The following OLA1 variants were observed in gnomAD, a reference collection of about 807,000 sequenced individuals.
OLA1 encodes the protein Obg like ATPase 1, also known as obg-like ATPase 1.
In OLA1, 14 loss-of-function variants were observed where a neutral mutation model predicts 48.4. The observed-to-expected ratio is 0.29, with a 90% CI of 0.19 to 0.45. The LOEUF is 0.45. Among genes scored for constraint, OLA1 ranks in the 20% least tolerant of loss-of-function variants. The probability of loss-of-function intolerance (pLI) is 1.00; values close to 1 mark genes in which losing one functional copy is unlikely to be tolerated. For synonymous variants in OLA1, 127 were observed against 150.4 expected, an observed-to-expected ratio of 0.84 and a Z score of 1.14; for missense variants, 325 against 467.1, an observed-to-expected ratio of 0.70 and a Z score of 2.80.
chr2:174,093,186 C>G (rs561776308), intron 7 of OLA1, among the ~76,000 whole-genome samples: 1 of 152,172 alleles, frequency 6.6e-6, no homozygotes, highest in Admixed American at 6.5e-5. Context: ...CAATGGCTCA[C>G]GCCTGTAATC....
intron 8 of OLA1, among the ~76,000 whole-genome samples, chr2:174,081,507 T>A (rs112238074): frequency 7.8e-4 from 118 of 152,222 alleles, no homozygotes; most frequent in African/African-American, 2.7e-3. Context: ...AAATTATGAC[T>A]ATTTTCATCC....
At position 174,213,632 on chromosome 2, in the gene OLA1, T is replaced by C. The variant is rs72911572; in HGVS notation, c.373+9401A>G. 6.9e-3 allele frequency among the ~76,000 whole-genome samples: 1,056 copies of C among 152,266 alleles called. 7 individuals carry two copies. Among genetic ancestry groups the C allele is most frequent in the Non-Finnish European group, 0.012 (845 of 68,012 alleles). On this transcript the variant is annotated intron_variant, in intron 4 of 10. Transcript: ENST00000284719. ...GCTCAATGAGCCCTAGAGAAAAAGT[T>C]AGTGGTTTTTCCAAATAACGCACCC...
chr2:174,223,049 G>A lies in OLA1; in HGVS notation c.357C>T (p.Gly119=), dbSNP rs1166048982. ...AFLSHISACD[G]IFHLTRAFED... is the part of the protein sequence containing the mutation. ...TGTACTTACGTGTTAGATGAAAGAT[G>A]CCATCACAGGCACTAATATGAGATA... Residue 119 remains glycine (G), a synonymous_variant, in exon 4 of 11, where the codon GGC becomes GGT. Coordinates refer to ENST00000284719, the MANE Select transcript of OLA1 (RefSeq NM_013341.5). 6.2e-7 allele frequency: 1 copy of A among 1,612,714 alleles called. No individual in the cohort carries two copies. The highest frequency in any genetic ancestry group is 8.5e-7 in the Non-Finnish European group (1 of 1,179,400).
chr2:174,081,064 C>T lies in OLA1; in HGVS notation c.966+88G>A, dbSNP rs1026337647. 3.6e-6 allele frequency: 4 copies of T among 1,099,360 alleles called. No individual in the cohort carries two copies. The African/African-American group carries it at 4.6e-5, about 13-fold the overall frequency. The allele number at this position is 1,099,360 out of a possible 1,614,324, so 68.1% of individuals were successfully genotyped here. A position where few individuals can be genotyped will look rare whatever the true frequency, so the allele number is the denominator to read the frequency against. ...TCATCTGTAATGACTAGCTAACCGC[C>T]ACCATGACAAACTTCAAAGTCAGTG... On this transcript the variant is annotated intron_variant, in intron 9 of 10. Transcript: ENST00000284719.
chr2:174,102,136 G>A (rs1332050414), intron 7 of OLA1, among the ~76,000 whole-genome samples: 1 of 152,066 alleles, frequency 6.6e-6, no homozygotes, highest in Non-Finnish European at 1.5e-5. Context: ...CCTTCTCAAA[G>A]TATCATCCAA....
At chr2:174,175,523 G>A (rs1041836147) in intron 4 of OLA1, among the ~76,000 whole-genome samples, 1 of 151,458 alleles carries the variant, frequency 6.6e-6, no homozygotes, top group Non-Finnish European at 1.5e-5. Flanking sequence ...AGAAATGAAA[G>A]CCACAATATT....
chr2:174,183,204 G>A (rs1687586093), intron 4 of OLA1, among the ~76,000 whole-genome samples: 1 of 152,116 alleles, frequency 6.6e-6, no homozygotes, highest in African/African-American at 2.4e-5. Context: ...CTGAGGGAGG[G>A]ATTAGTTACA....
At chr2:174,079,219 T>TTAAG (rs1191841888) in intron 9 of OLA1, 129 bp from the exon 10 acceptor site, 2 of 661,064 alleles carry the variant, frequency 3.0e-6, no homozygotes, top group African/African-American at 3.7e-5. Flanking sequence ...AGATGTCAGG[T>TTAAG]ATATAATTAG....
At chr2:174,173,280 C>A (rs1558989356) in intron 4 of OLA1, among the ~76,000 whole-genome samples, 1 of 151,956 alleles carries the variant, frequency 6.6e-6, no homozygotes, top group Non-Finnish European at 1.5e-5. Flanking sequence ...TTATAAAATT[C>A]CAGCAATAAG....
intron 4 of OLA1, among the ~76,000 whole-genome samples, chr2:174,191,314 A>G (rs1687772417): frequency 6.6e-6 from 1 of 152,200 alleles, no homozygotes; most frequent in Non-Finnish European, 1.5e-5. Context: ...GAACAGCTTC[A>G]GCGTATGTTT....
chr2:174,084,673 C>G (rs1451308859), intron 7 of OLA1, among the ~76,000 whole-genome samples: 1 of 152,138 alleles, frequency 6.6e-6, no homozygotes, highest in Non-Finnish European at 1.5e-5. Context: ...AGAAAAATGT[C>G]TATTCTCTTT....
At chr2:174,145,718 C>T (rs916186152) in intron 4 of OLA1, among the ~76,000 whole-genome samples, 39 of 152,128 alleles carry the variant, frequency 2.6e-4, no homozygotes, top group African/African-American at 8.7e-4. Flanking sequence ...ACATTAGTGA[C>T]AAAGTTCCCT....
chr2:174,113,661 C>T (rs1685709347), intron 7 of OLA1, among the ~76,000 whole-genome samples: 1 of 152,022 alleles, frequency 6.6e-6, no homozygotes, highest in Admixed American at 6.6e-5. Flanking sequence ...ATTAACTAAA[C>T]AATTGGATGG....
intron 10 of OLA1, among the ~76,000 whole-genome samples, chr2:174,078,669 T>C (rs1432375310): frequency 2.6e-5 from 4 of 151,924 alleles, no homozygotes; most frequent in Non-Finnish European, 5.9e-5. Flanking sequence ...TCATTGGCCA[T>C]GAGTGAACAA....
chr2:174,139,798 G>A (rs1002519267), intron 5 of OLA1, among the ~76,000 whole-genome samples: 1 of 150,538 alleles, frequency 6.6e-6, no homozygotes, highest in Non-Finnish European at 1.5e-5. Context: ...CAGGGAGGCG[G>A]AGGTTGCAGT....
At chr2:174,096,958 C>G (rs901380027) in intron 7 of OLA1, among the ~76,000 whole-genome samples, 1 of 152,118 alleles carries the variant, frequency 6.6e-6, no homozygotes, top group Non-Finnish European at 1.5e-5. Context: ...GAGTTCGAGA[C>G]CAGCCTGGCC....
chr2:174,231,843 A>C (rs1325304596), intron 2 of OLA1, among the ~76,000 whole-genome samples: 1 of 152,250 alleles, frequency 6.6e-6, no homozygotes, highest in African/African-American at 2.4e-5. Flanking sequence ...GTGGCAACTA[A>C]AGACATTTTG....
intron 7 of OLA1, among the ~76,000 whole-genome samples, chr2:174,111,284 CA>C (rs1008422205): frequency 7.9e-5 from 12 of 152,254 alleles, no homozygotes; most frequent in African/African-American, 2.6e-4. Flanking sequence ...AGGATACAAA[CA>C]ACATAAAAAA....
intron 4 of OLA1, among the ~76,000 whole-genome samples, chr2:174,155,668 G>A (rs992659113): frequency 6.6e-6 from 1 of 152,140 alleles, no homozygotes; most frequent in African/African-American, 2.4e-5. Context: ...TTGTTTAAAT[G>A]TATAAGTCAA....
Sources: allele counts gnomAD v4.1 joint callset (sites outside exome capture counted in the v4.1 genomes callset), GRCh38; gene constraint gnomAD v4.1.1; transcripts MANE v1.5; gene names NCBI Gene and HGNC (gene_info 2026-07-23, HGNC 2026-07-21).